SPACA7: variants seen among roughly 807,000 people sequenced by gnomAD.
SPACA7 encodes sperm acrosome-associated protein 7.
A neutral mutation model predicts 26.3 loss-of-function variants in SPACA7; 19 were observed. The ratio of observed to expected loss-of-function variants is 0.72; its 90% CI spans 0.50 to 1.06. SPACA7 has a LOEUF of 1.06. Among genes scored for constraint, SPACA7 ranks in the 50% least tolerant of loss-of-function variants. The probability of loss-of-function intolerance (pLI) is 0.00; values close to 1 mark genes in which losing one functional copy is unlikely to be tolerated. For missense variants in SPACA7, 211 were observed against 229.9 expected (o/e 0.92, Z 0.53); for synonymous variants, 84 against 84.5 (o/e 0.99, Z 0.04).
chr13:112,399,243 G>A (rs921239926), intron 4 of SPACA7, 70 bp downstream of exon 4: 36 of 845,354 alleles, frequency 4.3e-5, no homozygotes, highest in African/African-American at 3.3e-4. Flanking sequence ...GCAGGCAGAC[G>A]CAGGCGGAAA....
At chr13:112,393,173 GA>G (rs2138918086) in intron 2 of SPACA7, 96 bp downstream of exon 2, 1 of 941,850 alleles carries the variant, frequency 1.1e-6, no homozygotes, top group Non-Finnish European at 1.7e-6. Flanking sequence ...ACCAACTGCA[GA>G]CAGTGGAGGG....
At chr13:112,434,231 G>A (rs531030401) in intron 6 of SPACA7, among the ~76,000 whole-genome samples, 16 of 152,282 alleles carry the variant, frequency 1.1e-4, no homozygotes, top group South Asian at 6.2e-4. Flanking sequence ...TGGAGTTGTC[G>A]ATGGGTTTTG....
intron 6 of SPACA7, 90 bp from the exon 7 acceptor site, chr13:112,434,394 TC>T: frequency 9.0e-7 from 1 of 1,109,270 alleles, no homozygotes; most frequent in South Asian, 1.4e-5. Context: ...GCTTGGTTCC[TC>T]CTGTCCCCTG....
chr13:112,377,588 C>T (rs1231174696), intron 1 of SPACA7, among the ~76,000 whole-genome samples: 1 of 152,152 alleles, frequency 6.6e-6, no homozygotes, highest in Non-Finnish European at 1.5e-5. Context: ...GTGACCAGGC[C>T]AAGACTAGGG....
intron 1 of SPACA7, among the ~76,000 whole-genome samples, chr13:112,387,618 C>T (rs1884611965): frequency 6.6e-6 from 1 of 152,124 alleles, no homozygotes; most frequent in African/African-American, 2.4e-5. Context: ...ATTTCTTATC[C>T]TTTTTATCGG....
intron 5 of SPACA7, among the ~76,000 whole-genome samples, chr13:112,409,126 A>G (rs1366518825): frequency 6.6e-6 from 1 of 152,224 alleles, no homozygotes; most frequent in East Asian, 1.9e-4. Context: ...AGGATTCCCT[A>G]TTTAATAAAT....
intron 1 of SPACA7, among the ~76,000 whole-genome samples, chr13:112,392,375 C>T (rs919788349): frequency 6.6e-6 from 1 of 152,160 alleles, no homozygotes; most frequent in Non-Finnish European, 1.5e-5. Flanking sequence ...CAGACCTCGG[C>T]ATTTCACCCA....
At chr13:112,380,926 T>G (rs1884017737) in intron 1 of SPACA7, among the ~76,000 whole-genome samples, 1 of 152,182 alleles carries the variant, frequency 6.6e-6, no homozygotes, top group African/African-American at 2.4e-5. Context: ...TGTAACAAAG[T>G]AGCAAATTGT....
rs187545082 is a variant in SPACA7 at position 112,432,443 on chromosome 13, G to A, written c.446-1G>A. 19 of 1,604,104 alleles carry A rather than the reference G, an allele frequency of 1.2e-5. No individual in the cohort carries two copies. The African/African-American group carries it at 1.7e-4, about 15-fold the overall frequency. ...CATTGTACTTATTGTTTTCCCCACA[G>A]AAAAGAATTCAAAGAACACTCAGTA... On this transcript the variant is annotated splice_acceptor_variant, in intron 5 of 6. Coordinates refer to ENST00000283550, the MANE Select transcript of SPACA7 (RefSeq NM_145248.5). LOFTEE classifies it high-confidence loss of function.
In SPACA7 at chr13:112,376,376, T is replaced by C. The variant is rs1388954704; in HGVS notation, c.-10T>C. The C allele has an allele frequency of 2.5e-6, 4 of 1,612,346 alleles. No homozygotes were observed. The highest frequency in any genetic ancestry group is 1.7e-4 in the Middle Eastern group (1 of 6,056). ...CTTCAGAACGTCCTTCTCCCTCAGC[T>C]GGAGGGAGCATGGCAGTGAGCCAAG... is the stretch of plus-strand genomic sequence containing the variant. On this transcript the variant is annotated 5_prime_UTR_variant, in exon 1 of 7. Coordinates refer to ENST00000283550, the MANE Select transcript of SPACA7 (RefSeq NM_145248.5).
At chr13:112,405,173 G>A (rs935833099) in intron 5 of SPACA7, among the ~76,000 whole-genome samples, 7 of 151,134 alleles carry the variant, frequency 4.6e-5, no homozygotes, top group South Asian at 2.1e-4. Flanking sequence ...TAGTAGAGAC[G>A]GGGTTTCACC....
chr13:112,416,843 C>T (rs1329539092), intron 5 of SPACA7, among the ~76,000 whole-genome samples: 1 of 120,014 alleles, frequency 8.3e-6, no homozygotes, highest in Non-Finnish European at 2.0e-5. Context: ...TATCCACCTT[C>T]ACCATCACTG....
intron 5 of SPACA7, among the ~76,000 whole-genome samples, chr13:112,404,671 G>T (rs1010011232): frequency 1.7e-5 from 2 of 117,048 alleles, no homozygotes; most frequent in Non-Finnish European, 1.8e-5. Context: ...GTTGAATAGG[G>T]TGTCCTTTCT....
chr13:112,429,168 G>C (rs1178187061), intron 5 of SPACA7, among the ~76,000 whole-genome samples: 2 of 152,096 alleles, frequency 1.3e-5, no homozygotes, highest in Non-Finnish European at 2.9e-5. Flanking sequence ...CTTGAGCCCA[G>C]GAGTTCAAGA....
chr13:112,399,831 G>A (rs1367392347), intron 4 of SPACA7, among the ~76,000 whole-genome samples: 1 of 152,176 alleles, frequency 6.6e-6, no homozygotes, highest in African/African-American at 2.4e-5. Context: ...ATGAGGCATG[G>A]CTGGGAGCCC....
intron 1 of SPACA7, among the ~76,000 whole-genome samples, chr13:112,376,929 A>C (rs1285131517): frequency 1.3e-5 from 2 of 152,230 alleles, no homozygotes; most frequent in Non-Finnish European, 1.5e-5. Context: ...CAATGTCATA[A>C]TCAGACTAAC....
chr13:112,388,146 A>G (rs563787321), intron 1 of SPACA7, among the ~76,000 whole-genome samples: 2 of 152,246 alleles, frequency 1.3e-5, no homozygotes, highest in Non-Finnish European at 2.9e-5. Context: ...ACACACATTA[A>G]GATGAGATGG....
intron 1 of SPACA7, among the ~76,000 whole-genome samples, chr13:112,383,107 AAAG>A (rs150135666): frequency 0.38 from 15,581 of 41,168 alleles, 1,593 homozygotes; most frequent in South Asian, 0.6. Context: ...AGAAGAAAGA[AAAG>A]AAAAGAAAAG....
chr13:112,423,562 A>G (rs1316580657), intron 5 of SPACA7, among the ~76,000 whole-genome samples: 1 of 152,208 alleles, frequency 6.6e-6, no homozygotes, highest in Non-Finnish European at 1.5e-5. Context: ...ATAAAGAGCT[A>G]TAAAACCAGA....
Sources: gnomAD v4.1 joint callset for allele counts (sites outside exome capture counted in the v4.1 genomes callset) on GRCh38, gnomAD v4.1.1 for gene constraint, MANE v1.5 for transcripts, NCBI Gene and HGNC (gene_info 2026-07-23, HGNC 2026-07-21) for gene names.